RAB11FIP4: variants seen among roughly 807,000 people sequenced by gnomAD.
RAB11FIP4 encodes rab11 family-interacting protein 4.
Under a neutral mutation model 74.3 loss-of-function variants are expected in RAB11FIP4, and 23 were observed. The observed-to-expected ratio is 0.31, with a 90% CI of 0.22 to 0.44. RAB11FIP4 has a LOEUF of 0.44. Ranked by LOEUF, RAB11FIP4 falls within the 20% of genes least tolerant of loss-of-function variation. The pLI is 1.00. For missense variants in RAB11FIP4, 630 were observed against 863.9 expected, an observed-to-expected ratio of 0.73 and a Z score of 3.39; for synonymous variants, 360 against 359.9, an observed-to-expected ratio of 1.00 and a Z score of 0.00.
intron 3 of RAB11FIP4, among the ~76,000 whole-genome samples, chr17:31,476,002 C>A (rs1429492236): frequency 6.6e-6 from 1 of 151,914 alleles, no homozygotes. Context: ...TAAACAGAGA[C>A]ATGCTTAAAA....
chr17:31,521,045 A>G (rs2072654832), intron 4 of RAB11FIP4, 121 bp from the exon 5 acceptor site: 2 of 737,456 alleles, frequency 2.7e-6, no homozygotes, highest in Non-Finnish European at 4.4e-6. Context: ...TTACCAGGTC[A>G]AGAGCTACAA....
chr17:31,533,940 C>T lies in RAB11FIP4; in HGVS notation c.*2208C>T, dbSNP rs79718269. ...CAGCTCACACACACCTCAAGTCCAACCTTACTTTCTTCAGCCAGAATACAT... is the reference window on the plus strand; with the variant it reads ...CAGCTCACACACACCTCAAGTCCAATCTTACTTTCTTCAGCCAGAATACAT... On this transcript the variant is annotated 3_prime_UTR_variant, in exon 15 of 15. Transcript: ENST00000621161. 0.046 allele frequency: 7,051 copies of T among 152,330 alleles called. 245 individuals carry two copies. The highest frequency in any genetic ancestry group is 0.062 in the Non-Finnish European group (4,230 of 68,022). The allele number at this position is 152,330 out of a possible 1,614,324, so 9.4% of individuals were successfully genotyped here.
chr17:31,475,528 A>G (rs2142732719), intron 3 of RAB11FIP4, among the ~76,000 whole-genome samples: 1 of 152,372 alleles, frequency 6.6e-6, no homozygotes, highest in South Asian at 2.1e-4. Context: ...TGTGACACAG[A>G]TACAGTTGGT....
At chr17:31,467,124 T>TTTTC (rs1190919874) in intron 3 of RAB11FIP4, among the ~76,000 whole-genome samples, 1 of 151,976 alleles carries the variant, frequency 6.6e-6, no homozygotes, top group Non-Finnish European at 1.5e-5. Flanking sequence ...TTTTCTTTTC[T>TTTTC]TTTTTTGAGA....
intron 8 of RAB11FIP4, 102 bp from the exon 9 acceptor site, chr17:31,523,791 C>A: frequency 1.9e-6 from 2 of 1,038,844 alleles, no homozygotes; most frequent in African/African-American, 1.6e-5. Context: ...TTCTCAGATA[C>A]ACAGTGGTTT....
At chr17:31,457,825 T>C (rs1011588543) in intron 3 of RAB11FIP4, among the ~76,000 whole-genome samples, 2 of 152,112 alleles carry the variant, frequency 1.3e-5, no homozygotes, top group Non-Finnish European at 2.9e-5. Flanking sequence ...TCCCTCTCCG[T>C]CCCTGACTAT....
chr17:31,458,141 A>G (rs775825527), intron 3 of RAB11FIP4, among the ~76,000 whole-genome samples: 19 of 152,348 alleles, frequency 1.2e-4, no homozygotes, highest in Non-Finnish European at 2.6e-4. Flanking sequence ...TTGGGGCCAC[A>G]GTGTGCAGGG....
At chr17:31,460,379 C>A (rs1052113434) in intron 3 of RAB11FIP4, among the ~76,000 whole-genome samples, 2 of 152,152 alleles carry the variant, frequency 1.3e-5, no homozygotes, top group Non-Finnish European at 2.9e-5. Flanking sequence ...CACAGCTTGG[C>A]CCTTCCCCGT....
intron 1 of RAB11FIP4, among the ~76,000 whole-genome samples, chr17:31,394,439 A>T (rs746391550): frequency 6.6e-6 from 1 of 152,142 alleles, no homozygotes; most frequent in Non-Finnish European, 1.5e-5. Context: ...CCTCTCCAGG[A>T]CTGTGCAGTG....
intron 3 of RAB11FIP4, among the ~76,000 whole-genome samples, chr17:31,516,891 G>T (rs957309473): frequency 2.0e-5 from 3 of 152,110 alleles, no homozygotes; most frequent in African/African-American, 4.8e-5. Flanking sequence ...TGGTTACTTG[G>T]TGTACACCCT....
At chr17:31,489,034 A>G (rs2071956856) in intron 3 of RAB11FIP4, among the ~76,000 whole-genome samples, 1 of 152,166 alleles carries the variant, frequency 6.6e-6, no homozygotes, top group Admixed American at 6.5e-5. Flanking sequence ...GCTCTCCCAC[A>G]GAGGGCTGGA....
intron 1 of RAB11FIP4, among the ~76,000 whole-genome samples, chr17:31,409,225 C>T (rs1220417033): frequency 6.6e-6 from 1 of 152,082 alleles, no homozygotes; most frequent in Non-Finnish European, 1.5e-5. Context: ...CATTAAGTAC[C>T]TTGTCAGTAC....
intron 3 of RAB11FIP4, among the ~76,000 whole-genome samples, chr17:31,436,199 C>G (rs942746699): frequency 6.6e-6 from 1 of 152,150 alleles, no homozygotes; most frequent in Non-Finnish European, 1.5e-5. Flanking sequence ...GCGTCAGTGT[C>G]CTCAACTGTA....
intron 1 of RAB11FIP4, among the ~76,000 whole-genome samples, chr17:31,420,684 T>C (rs1300282760): frequency 1.3e-5 from 2 of 152,184 alleles, no homozygotes; most frequent in African/African-American, 4.8e-5. Flanking sequence ...ATTTTATTAA[T>C]TTCTGCTCTT....
At chr17:31,411,187 C>A (rs1303207004) in intron 1 of RAB11FIP4, among the ~76,000 whole-genome samples, 1 of 152,112 alleles carries the variant, frequency 6.6e-6, no homozygotes, top group African/African-American at 2.4e-5. Context: ...CATGGTGAAA[C>A]CCCGTCTCTA....
chr17:31,467,828 G>A (rs780987180), intron 3 of RAB11FIP4, among the ~76,000 whole-genome samples: 2 of 152,270 alleles, frequency 1.3e-5, no homozygotes, highest in African/African-American at 2.4e-5. Context: ...AATCTGCCCC[G>A]AGCTTGGGGC....
intron 3 of RAB11FIP4, chr17:31,501,769 G>A: frequency 1.0e-5 from 2 of 197,612 alleles, no homozygotes. Context: ...GCCCGCCTCG[G>A]CCTCCCAAAG....
intron 3 of RAB11FIP4, chr17:31,488,005 C>G (rs1597948056): frequency 4.0e-6 from 4 of 1,004,590 alleles, no homozygotes. Flanking sequence ...GCCCCCGAGT[C>G]CCGGGGCCCA....
intron 3 of RAB11FIP4, among the ~76,000 whole-genome samples, chr17:31,513,108 G>A (rs1399888211): frequency 6.6e-6 from 1 of 152,094 alleles, no homozygotes; most frequent in Non-Finnish European, 1.5e-5. Flanking sequence ...GCGGTGAGGT[G>A]GGGTGATGGT....
Sources: allele counts gnomAD v4.1 joint callset (sites outside exome capture counted in the v4.1 genomes callset), GRCh38; gene constraint gnomAD v4.1.1; transcripts MANE v1.5; gene names NCBI Gene and HGNC (gene_info 2026-07-23, HGNC 2026-07-21).